The following CRYZ variants were observed in gnomAD, a reference collection of about 807,000 sequenced individuals.
CRYZ encodes crystallin zeta.
Under a neutral mutation model 34.1 loss-of-function variants are expected in CRYZ, and 35 were observed. That is an observed-to-expected ratio of 1.03 (90% CI 0.78 to 1.36). The LOEUF (loss-of-function observed/expected upper bound fraction) is 1.36, where lower values mean the gene tolerates loss of function less well. CRYZ is among the 40% of genes most tolerant of loss of function. The probability of loss-of-function intolerance (pLI) is 0.00; values close to 1 mark genes in which losing one functional copy is unlikely to be tolerated. For synonymous variants in CRYZ, 137 were observed against 136.5 expected (o/e 1.00, Z -0.03); for missense variants, 403 against 391.8 (o/e 1.03, Z -0.24).
intron 1 of CRYZ, 68 bp downstream of exon 1, chr1:74,732,888 T>C: frequency 4.4e-6 from 1 of 228,778 alleles, no homozygotes; most frequent in South Asian, 7.7e-5. Context: ...CAAACTCGGT[T>C]CCACTTGGAC....
At position 74,710,171 on chromosome 1, in the gene CRYZ, T is replaced by G. The variant is rs1362020971; in HGVS notation, c.557A>C (p.Gln186Pro). 6.2e-7 allele frequency: 1 copy of G among 1,613,934 alleles called. No homozygotes were observed. Among genetic ancestry groups the G allele is most frequent in the South Asian group, 1.1e-5 (1 of 91,078 alleles). The change falls in exon 6 of 9, where the codon CAA becomes CCA. Residue 186 changes from glutamine (Q) to proline (P), a missense_variant. Physicochemically the swap from Gln to Pro is moderately conservative, Grantham distance 76. Transcript: ENST00000340866. ...GGCTCCATTTTGCAAAACAATCTTT[T>G]GTCCTTCCTCAGTACCAGCAGTGCC... ...ILGTAGTEEG[Q>P]KIVLQNGAHE... is the part of the protein sequence containing the mutation.
chr1:74,706,940 C>A lies in CRYZ; in HGVS notation c.787G>T (p.Glu263Ter), dbSNP rs1218898942. ...EINPRDTMAKESSIIGVTLFS... is the reference protein window; with the variant it reads ...EINPRDTMAK ...AGAGTAACTCCAATTATACTCGACT[C>A]CTTTGCCATGGTGTCTCGTGGGTTT... Residue 263 changes from glutamate (E) to a stop codon, truncating the protein, a stop_gained, in exon 8 of 9, where the codon GAG becomes TAG. Coordinates refer to ENST00000340866, the MANE Select transcript of CRYZ (RefSeq NM_001889.4). LOFTEE classifies it high-confidence loss of function. The A allele has an allele frequency of 6.2e-7, 1 of 1,612,936 alleles. No homozygotes were observed. Among genetic ancestry groups the A allele is most frequent in the African/African-American group, 1.3e-5 (1 of 74,812 alleles).
chr1:74,727,714 AG>A (rs1470133237), intron 1 of CRYZ, among the ~76,000 whole-genome samples: 1 of 151,968 alleles, frequency 6.6e-6, no homozygotes, highest in Non-Finnish European at 1.5e-5. Context: ...AGCATGCAAA[AG>A]ACCTGACCCA....
intron 3 of CRYZ, among the ~76,000 whole-genome samples, chr1:74,721,598 G>T (rs1314513713): frequency 6.6e-6 from 1 of 152,164 alleles, no homozygotes; most frequent in Non-Finnish European, 1.5e-5. Flanking sequence ...CAGGTCAGGG[G>T]TATAGTTAAG....
intron 3 of CRYZ, among the ~76,000 whole-genome samples, chr1:74,720,488 C>T (rs960724723): frequency 1.3e-5 from 2 of 152,030 alleles, no homozygotes; most frequent in Admixed American, 6.6e-5. Context: ...AATTAGACTG[C>T]CCACCGTAAC....
chr1:74,721,140 T>C (rs934913923), intron 3 of CRYZ, among the ~76,000 whole-genome samples: 1 of 152,304 alleles, frequency 6.6e-6, no homozygotes, highest in Admixed American at 6.5e-5. Context: ...GCAGCATTTA[T>C]TACCAATGAG....
chr1:74,722,698 T>C lies in CRYZ; in HGVS notation c.264+420A>G, dbSNP rs536547842. 1.6e-3 allele frequency among the ~76,000 whole-genome samples: 245 copies of C among 152,264 alleles called. 2 individuals are homozygous for C. The South Asian group carries it at 0.018, about 11-fold the overall frequency. ...TGTATAGTGACCTTGCATTTTTTCA[T>C]GTTTTACTTATTTTTCAAAAGAATT... On this transcript the variant is annotated intron_variant, in intron 3 of 8. Coordinates refer to ENST00000340866, the MANE Select transcript of CRYZ (RefSeq NM_001889.4).
At chr1:74,727,174 C>G (rs1647389270) in intron 1 of CRYZ, among the ~76,000 whole-genome samples, 1 of 151,072 alleles carries the variant, frequency 6.6e-6, no homozygotes, top group African/African-American at 2.4e-5. Context: ...GGTATCTTTA[C>G]AGCAGTACCC....
At chr1:74,730,686 T>C (rs1570031415) in intron 1 of CRYZ, among the ~76,000 whole-genome samples, 1 of 152,202 alleles carries the variant, frequency 6.6e-6, no homozygotes, top group Admixed American at 6.5e-5. Flanking sequence ...GAAGCAAAGC[T>C]AGAACCCAAG....
chr1:74,729,369 T>A (rs1647569336), intron 1 of CRYZ, among the ~76,000 whole-genome samples: 1 of 151,370 alleles, frequency 6.6e-6, no homozygotes, highest in Non-Finnish European at 1.5e-5. Context: ...ATAGTAGACA[T>A]CATTATTGTT....
intron 4 of CRYZ, among the ~76,000 whole-genome samples, chr1:74,716,890 C>G (rs1331571992): frequency 2.0e-5 from 3 of 152,160 alleles, no homozygotes; most frequent in Non-Finnish European, 2.9e-5. Flanking sequence ...ATGTTCAAAT[C>G]TAGCTTCCTT....
intron 4 of CRYZ, among the ~76,000 whole-genome samples, chr1:74,718,292 C>G (rs1647103977): frequency 6.6e-6 from 1 of 152,056 alleles, no homozygotes; most frequent in South Asian, 2.1e-4. Flanking sequence ...GTGGAGACTC[C>G]TATAAGACGC....
At chr1:74,720,482 A>T (rs1362922760) in intron 3 of CRYZ, among the ~76,000 whole-genome samples, 2 of 152,208 alleles carry the variant, frequency 1.3e-5, no homozygotes, top group East Asian at 3.8e-4. Context: ...AGGGAAAATT[A>T]GACTGCCCAC....
In CRYZ at chr1:74,719,234, TAAAATATGG is replaced by T. The variant is rs1188979988; in HGVS notation, c.394_402del (p.Pro132_Phe134del). ...CTGTGGATCAGAGCTCGATAAGCAGTAAAATATGGAATGCCGATGGCAGCTCCTTGTTTA... is the reference window on the plus strand; with the variant it reads ...CTGTGGATCAGAGCTCGATAAGCAGTAATGCCGATGGCAGCTCCTTGTTTA... On this transcript the variant is annotated inframe_deletion, in exon 4 of 9. Transcript: ENST00000340866. The T allele has an allele frequency of 7.4e-6, 12 of 1,613,712 alleles. No homozygotes were observed. The highest frequency in any genetic ancestry group is 1.0e-5 in the Non-Finnish European group (12 of 1,179,788).
intron 4 of CRYZ, among the ~76,000 whole-genome samples, chr1:74,715,491 A>G (rs1647059273): frequency 1.3e-5 from 2 of 152,192 alleles, no homozygotes; most frequent in African/African-American, 4.8e-5. Flanking sequence ...ATTATGCTCC[A>G]CCTGGGAAAG....
intron 4 of CRYZ, among the ~76,000 whole-genome samples, chr1:74,716,962 C>T (rs60307267): frequency 0.029 from 4,438 of 152,218 alleles, 218 homozygotes; most frequent in African/African-American, 0.1. Flanking sequence ...CATTTTGGTG[C>T]CACTTCAGCT....
At chr1:74,714,286 T>C (rs1245832560) in intron 5 of CRYZ, among the ~76,000 whole-genome samples, 1 of 152,082 alleles carries the variant, frequency 6.6e-6, no homozygotes, top group East Asian at 1.9e-4. Context: ...TTTTATAACA[T>C]ATGCTACTTG....
intron 3 of CRYZ, 28 bp from the exon 4 acceptor site, chr1:74,719,400 C>A: frequency 6.3e-7 from 1 of 1,588,858 alleles, no homozygotes; most frequent in Non-Finnish European, 8.6e-7. Context: ...TGAATAAATG[C>A]AGGAAGACTA....
intron 2 of CRYZ, 122 bp downstream of exon 2, chr1:74,724,589 G>A (rs765510885): frequency 2.1e-4 from 134 of 643,384 alleles, no homozygotes; most frequent in South Asian, 1.3e-3. Flanking sequence ...TATACATAGT[G>A]TAAACTGCAT....
Sources: gnomAD v4.1 joint callset for allele counts (sites outside exome capture counted in the v4.1 genomes callset) on GRCh38, gnomAD v4.1.1 for gene constraint, MANE v1.5 for transcripts, NCBI Gene and HGNC (gene_info 2026-07-23, HGNC 2026-07-21) for gene names.